The following FZR1 variants were observed in gnomAD, a reference collection of about 807,000 sequenced individuals.
FZR1 encodes fizzy-related protein homolog.
A neutral mutation model predicts 63.6 loss-of-function variants in FZR1; 11 were observed. That is an observed-to-expected ratio of 0.17 (90% CI 0.11 to 0.29). The LOEUF is 0.29. Ranked by LOEUF, FZR1 falls within the 10% of genes least tolerant of loss-of-function variation. The pLI, the probability that FZR1 is intolerant of heterozygous loss-of-function variation, is 1.00. For synonymous variants in FZR1, 328 were observed against 297.9 expected (o/e 1.10, Z -1.04); for missense variants, 440 against 687.5 (o/e 0.64, Z 4.03).
intron 6 of FZR1, 142 bp downstream of exon 6, chr19:3,527,204 C>T: frequency 1.4e-6 from 1 of 727,246 alleles, no homozygotes; most frequent in East Asian, 2.6e-5. Context: ...GCATAGTGGC[C>T]TGGAGCTGTG....
At position 3,507,601 on chromosome 19, in the gene FZR1, A is replaced by G. The variant is rs77225767; in HGVS notation, c.-35+1127A>G. On this transcript the variant is annotated intron_variant, in intron 1 of 13. Coordinates refer to ENST00000441788, the MANE Select transcript of FZR1 (RefSeq NM_016263.4). ...CGTGGTGAGGCCCCCACCCCAACCT[A>G]TGTGCTTTGAAGGAGGGTGATTTAC... 4.1e-3 allele frequency among the ~76,000 whole-genome samples: 622 copies of G among 151,860 alleles called. 2 individuals are homozygous for G. The highest frequency in any genetic ancestry group is 6.3e-3 in the Non-Finnish European group (430 of 67,908).
At chr19:3,520,590 T>C (rs1231270650) in intron 1 of FZR1, among the ~76,000 whole-genome samples, 1 of 152,154 alleles carries the variant, frequency 6.6e-6, no homozygotes, top group Non-Finnish European at 1.5e-5. Context: ...GGCTGCATGC[T>C]CTTGTCCCTC....
chr19:3,534,693 C>A, intron 13 of FZR1, 102 bp from the exon 14 acceptor site: 1 of 1,112,214 alleles, frequency 9.0e-7, no homozygotes, highest in Non-Finnish European at 1.4e-6. Flanking sequence ...ACTGGCACCT[C>A]CCAGCCCCTC....
At chr19:3,532,712 C>T (rs901901675) in intron 11 of FZR1, 62 bp downstream of exon 11, 27 of 1,136,908 alleles carry the variant, frequency 2.4e-5, no homozygotes, top group South Asian at 3.8e-5. Flanking sequence ...TGGCCCCTTA[C>T]CTGCCACCTG....
In FZR1 at chr19:3,531,740, C is replaced by T. The variant is rs765576156; in HGVS notation, c.747C>T (p.His249=). 8 of 1,549,884 alleles carry T rather than the reference C, an allele frequency of 5.2e-6. No homozygotes were observed. The African/African-American group carries it at 9.6e-5, about 19-fold the overall frequency. Residue 249 remains histidine (H), a synonymous_variant, in exon 9 of 14, where the codon CAC becomes CAT. Transcript: ENST00000441788. ...ERGNLVAVGT[H]KGFVQIWDAA... ...GGAACCTGGTGGCGGTGGGCACACA[C>T]AAGGGCTTCGTGCAGATCTGGGACG...
At chr19:3,532,672 TC>T in intron 11 of FZR1, 22 bp downstream of exon 11, 1 of 1,541,514 alleles carries the variant, frequency 6.5e-7, no homozygotes, top group Non-Finnish European at 8.9e-7. Flanking sequence ...CGGCCCGGCC[TC>T]CCACCAGGCC....
chr19:3,515,659 C>G lies in FZR1; in HGVS notation c.-34-7297C>G, dbSNP rs979937985. On this transcript the variant is annotated intron_variant, in intron 1 of 13. Transcript: ENST00000441788. This position sits in a 1 kb window ranked among gnomAD's most constrained non-coding sequence, Gnocchi z 4.6. Reference sequence around the variant, plus strand: ...GCGGGCCCCTGTAGTCCCAGCTACTCGGGAGGCTGAGGCAGGAGAATGGTG... The same window carrying G: ...GCGGGCCCCTGTAGTCCCAGCTACTGGGGAGGCTGAGGCAGGAGAATGGTG... 2.6e-5 allele frequency among the ~76,000 whole-genome samples: 4 copies of G among 151,482 alleles called. No homozygotes were observed. Among genetic ancestry groups the G allele is most frequent in the Admixed American group, 1.3e-4 (2 of 15,192 alleles).
At position 3,532,030 on chromosome 19, in the gene FZR1, G is replaced by T; in HGVS notation, c.943G>T (p.Glu315Ter). 1 of 1,544,398 alleles carries T rather than the reference G, an allele frequency of 6.5e-7. No individual in the cohort carries two copies. The highest frequency in any genetic ancestry group is 2.4e-5 in the East Asian group (1 of 41,746). Residue 315 changes from glutamate to a stop codon, truncating the protein, a stop_gained, in exon 10 of 14, where the codon GAG becomes TAG. Transcript: ENST00000441788. LOFTEE classifies it high-confidence loss of function. ...SERRLQGHRQ[E>*]VCGLKWSTDH... Reference sequence around the variant, plus strand: ...GCGGCGGCTGCAGGGCCACCGGCAGGAGGTGTGCGGGCTCAAGTGGTCCAC... The same window carrying T: ...GCGGCGGCTGCAGGGCCACCGGCAGTAGGTGTGCGGGCTCAAGTGGTCCAC...
chr19:3,534,979 G>A lies in FZR1; in HGVS notation c.*143G>A. 1.5e-6 allele frequency: 1 copy of A among 684,644 alleles called. No individual in the cohort carries two copies. 42.4% of individuals were successfully genotyped at this position (684,644 alleles called of 1,614,324 possible). ...CGGGGAGCTGGGCCTGGAGGATCCT[G>A]GAGTCTCATTAAATGCCTGATTGTG... On this transcript the variant is annotated 3_prime_UTR_variant, in exon 14 of 14. Transcript: ENST00000441788.
In FZR1 at chr19:3,527,045, T is replaced by G. The variant is rs772815705; in HGVS notation, c.453T>G (p.Ser151=). The G allele has an allele frequency of 6.2e-7, 1 of 1,611,398 alleles. No individual in the cohort carries two copies. The highest frequency in any genetic ancestry group is 8.5e-7 in the Non-Finnish European group (1 of 1,178,492). The change falls in exon 6 of 14, where the codon TCT becomes TCG. Residue 151 remains serine (S), a synonymous_variant. Transcript: ENST00000441788. The part of the protein sequence containing the change: ...DGNDVSPYSL[S]PVSNKSQKLL... ...ACGATGTGTCTCCCTACTCCCTGTC[T>G]CCCGTCAGCAACAAGAGGTGGGTCC...
At chr19:3,528,957 TGAGTGGATGGGA>T (rs2083195424) in intron 7 of FZR1, among the ~76,000 whole-genome samples, 1 of 103,788 alleles carries the variant, frequency 9.6e-6, no homozygotes, top group Non-Finnish European at 2.1e-5. Context: ...AGCGGATGGG[TGAGTGGATGGGA>T]GAGCAGATGG....
At chr19:3,530,936 G>A in intron 8 of FZR1, 79 bp downstream of exon 8, 1 of 1,133,700 alleles carries the variant, frequency 8.8e-7, no homozygotes, top group Non-Finnish European at 1.3e-6. Context: ...AAGACCCAGA[G>A]GGTCTAGTGC....
chr19:3,516,292 T>C lies in FZR1; in HGVS notation c.-34-6664T>C, dbSNP rs1317652675. On this transcript the variant is annotated intron_variant, in intron 1 of 13. Coordinates refer to ENST00000441788, the MANE Select transcript of FZR1 (RefSeq NM_016263.4). The surrounding 1 kb of genome is among the most constrained non-coding windows in gnomAD (Gnocchi z 6.0). ...CTCGGTTGGATTGGCAGCTCCTGAC[T>C]GCGAGGGAGGACTGGTCCTTTCCCA... Among the ~76,000 whole-genome samples the C allele has an allele frequency of 6.6e-6, 1 of 152,216 alleles. No homozygotes were observed.
chr19:3,534,862 C>G lies in FZR1; in HGVS notation c.*26C>G, dbSNP rs200536259. On this transcript the variant is annotated 3_prime_UTR_variant, in exon 14 of 14. Transcript: ENST00000441788. Reference sequence around the variant, plus strand: ...ACCTGCCGGGCAGGACCGTGCCACACCAGCTGTCCAGAGTCGGAGGACCCC... The same window carrying G: ...ACCTGCCGGGCAGGACCGTGCCACAGCAGCTGTCCAGAGTCGGAGGACCCC... The G allele has an allele frequency of 3.1e-5, 50 of 1,594,014 alleles. No homozygotes were observed. In the African/African-American group the frequency reaches 6.2e-4, roughly 20 times the overall value.
chr19:3,520,378 C>T (rs985907186), intron 1 of FZR1, among the ~76,000 whole-genome samples: 4 of 152,178 alleles, frequency 2.6e-5, no homozygotes, highest in African/African-American at 7.2e-5. Flanking sequence ...TCTGTGGCCG[C>T]GTGGGCCACC....
At chr19:3,521,075 G>T (rs1286129585) in intron 1 of FZR1, among the ~76,000 whole-genome samples, 1 of 152,228 alleles carries the variant, frequency 6.6e-6, no homozygotes, top group Non-Finnish European at 1.5e-5. Flanking sequence ...GTTCTGGCGT[G>T]TGGAGGGCCG....
Position 3,515,993 on chromosome 19 carries a change from C to T in FZR1, c.-34-6963C>T, listed in dbSNP as rs921162426. Among the ~76,000 whole-genome samples the T allele has an allele frequency of 1.3e-5, 2 of 152,204 alleles. No homozygotes were observed. The highest frequency in any genetic ancestry group is 2.9e-5 in the Non-Finnish European group (2 of 68,042). ...CTGATGGCCTCTTGCGTCTTCCACT[C>T]TGACTAGCTGCCGCAGTGACTCCAT... is the stretch of plus-strand genomic sequence containing the variant. On this transcript the variant is annotated intron_variant, in intron 1 of 13. Coordinates refer to ENST00000441788, the MANE Select transcript of FZR1 (RefSeq NM_016263.4). This position sits in a 1 kb window ranked among gnomAD's most constrained non-coding sequence, Gnocchi z 4.6.
At chr19:3,534,247 AG>A in intron 12 of FZR1, 173 bp from the exon 13 acceptor site, 4 of 429,454 alleles carry the variant, frequency 9.3e-6, no homozygotes, top group Admixed American at 4.3e-5. Flanking sequence ...AAAAAAAAAA[AG>A]GCTCCAACCT....
chr19:3,523,130 C>T (rs1188046031), intron 2 of FZR1, 72 bp downstream of exon 2: 5 of 931,414 alleles, frequency 5.4e-6, no homozygotes, highest in Non-Finnish European at 9.0e-6. Context: ...CCAGCAGCCT[C>T]AGGTGTCCCC....
Sources: gnomAD v4.1 joint callset for allele counts (sites outside exome capture counted in the v4.1 genomes callset) on GRCh38, gnomAD v4.1.1 for gene constraint, Gnocchi (gnomAD v3.1) non-coding constraint, MANE v1.5 for transcripts, NCBI Gene and HGNC (gene_info 2026-07-23, HGNC 2026-07-21) for gene names.